The following PRKAA2 variants were observed in gnomAD, a reference collection of about 807,000 sequenced individuals.
The protein encoded by PRKAA2 is protein kinase AMP-activated catalytic subunit alpha 2.
A neutral mutation model predicts 56.3 loss-of-function variants in PRKAA2; 40 were observed. The ratio of observed to expected loss-of-function variants is 0.71; its 90% confidence interval spans 0.55 to 0.92. PRKAA2 has a LOEUF of 0.92. PRKAA2 is among the 40% of genes least tolerant of loss of function. The pLI is 0.00. For synonymous variants in PRKAA2, 214 were observed against 234.2 expected, an observed-to-expected ratio of 0.91 and a Z score of 0.79; for missense variants, 542 against 686.9, an observed-to-expected ratio of 0.79 and a Z score of 2.36.
intron 1 of PRKAA2, among the ~76,000 whole-genome samples, chr1:56,646,087 A>G (rs1482430118): frequency 2.6e-5 from 4 of 152,074 alleles, no homozygotes; most frequent in Non-Finnish European, 5.9e-5. Context: ...ATGTCCTCCA[A>G]TTCTGGTCTT....
chr1:56,672,844 A>G (rs970875444), intron 1 of PRKAA2, among the ~76,000 whole-genome samples: 1 of 152,188 alleles, frequency 6.6e-6, no homozygotes, highest in South Asian at 2.1e-4. Context: ...AAAAGAAGGC[A>G]ATAAATGTAA....
At chr1:56,701,630 C>A (rs2100434393) in intron 6 of PRKAA2, among the ~76,000 whole-genome samples, 1 of 152,218 alleles carries the variant, frequency 6.6e-6, no homozygotes, top group East Asian at 1.9e-4. Flanking sequence ...GGCGCGGTGG[C>A]TCACACCTGT....
chr1:56,698,472 A>G (rs370489959), intron 6 of PRKAA2, among the ~76,000 whole-genome samples: 157 of 152,338 alleles, frequency 1.0e-3, no homozygotes, highest in South Asian at 4.1e-3. Context: ...TTATTAATTC[A>G]TAGCAAAATG....
intron 1 of PRKAA2, among the ~76,000 whole-genome samples, chr1:56,664,958 T>G (rs1318650454): frequency 2.0e-5 from 3 of 151,796 alleles, no homozygotes; most frequent in African/African-American, 7.3e-5. Context: ...TTAGCTGCCT[T>G]TCAGAATTAC....
rs563080199 is a variant in PRKAA2 at position 56,665,305 on chromosome 1, C to T, written c.95-9076C>T. On this transcript the variant is annotated intron_variant, in intron 1 of 8. Transcript: ENST00000371244. ...GCCATGCTGGTCTCAAACTCCTGAC[C>T]TCAAGTGATCTGCCCACCTTGGCCT... Among the ~76,000 whole-genome samples the T allele has an allele frequency of 2.1e-4, 32 of 152,244 alleles. 1 individual carries two copies. The highest frequency in any genetic ancestry group is 2.0e-3 in the Admixed American group (30 of 15,284).
chr1:56,693,933 A>G (rs1644243478), intron 5 of PRKAA2, 81 bp downstream of exon 5: 1 of 955,548 alleles, frequency 1.0e-6, no homozygotes, highest in Admixed American at 2.4e-5. Flanking sequence ...TCTCTATGGA[A>G]GGTAAGATTT....
At position 56,692,232 on chromosome 1, in the gene PRKAA2, T is replaced by A. The variant is rs530071052; in HGVS notation, c.331-126T>A. The stretch of plus-strand genomic sequence containing the variant: ...TTTTTAGTAGAGATGGAGTTTCACC[T>A]TATTGGTCAGGCTGGTCTCAAACTC... On this transcript the variant is annotated intron_variant, in intron 3 of 8. Coordinates refer to ENST00000371244, the MANE Select transcript of PRKAA2 (RefSeq NM_006252.4). 1.5e-5 allele frequency: 16 copies of A among 1,091,114 alleles called. No individual in the cohort carries two copies. The Admixed American group carries it at 2.3e-4, about 15-fold the overall frequency. The allele number at this position is 1,091,114 out of a possible 1,614,324, so 67.6% of individuals were successfully genotyped here. A position where few individuals can be genotyped will look rare whatever the true frequency, so the allele number is the denominator to read the frequency against.
At chr1:56,646,346 G>A (rs1009541041) in intron 1 of PRKAA2, among the ~76,000 whole-genome samples, 1 of 152,184 alleles carries the variant, frequency 6.6e-6, no homozygotes, top group Non-Finnish European at 1.5e-5. Flanking sequence ...TTTCCTTGGT[G>A]TTTGGAGGAT....
chr1:56,706,402 G>A (rs545697019), intron 8 of PRKAA2, among the ~76,000 whole-genome samples, 184 bp downstream of exon 8: 23 of 152,298 alleles, frequency 1.5e-4, no homozygotes, highest in African/African-American at 5.3e-4. Context: ...CTCTTACCTG[G>A]CATCTTTCCA....
intron 5 of PRKAA2, 122 bp from the exon 6 acceptor site, chr1:56,695,813 C>T: frequency 1.2e-6 from 1 of 866,584 alleles, no homozygotes; most frequent in Non-Finnish European, 1.8e-6. Flanking sequence ...CAGCCATGGA[C>T]TTCATTAAAG....
In PRKAA2 at chr1:56,706,079, T is replaced by C; in HGVS notation, c.1294-13T>C. The C allele has an allele frequency of 1.9e-6, 3 of 1,587,650 alleles. No homozygotes were observed. The highest frequency in any genetic ancestry group is 2.6e-6 in the Non-Finnish European group (3 of 1,166,296). On this transcript the variant is annotated splice_polypyrimidine_tract_variant and intron_variant, in intron 7 of 8. Transcript: ENST00000371244. The stretch of plus-strand genomic sequence containing the variant: ...TTTTGTAGTTTATTATTTTTATTGA[T>C]TTTTCACTTTAGGTAGTGAATGCAT...
At chr1:56,684,932 G>A (rs867039133) in intron 2 of PRKAA2, among the ~76,000 whole-genome samples, 7 of 152,176 alleles carry the variant, frequency 4.6e-5, no homozygotes, top group Middle Eastern at 3.4e-3. Flanking sequence ...CAGTCAAGAG[G>A]AAGGAATTGA....
chr1:56,690,384 T>G (rs1644220821), intron 2 of PRKAA2, among the ~76,000 whole-genome samples: 1 of 152,170 alleles, frequency 6.6e-6, no homozygotes, highest in South Asian at 2.1e-4. Flanking sequence ...TTAGCCAGGA[T>G]GGTCTCAATC....
Position 56,704,036 on chromosome 1 carries a change from C to G in PRKAA2, c.854C>G (p.Ala285Gly). 3.1e-6 allele frequency: 5 copies of G among 1,613,798 alleles called. No homozygotes were observed. Among genetic ancestry groups the G allele is most frequent in the Non-Finnish European group, 4.2e-6 (5 of 1,179,720 alleles). Residue 285 changes from alanine to glycine, a missense_variant, in exon 7 of 9, where the codon GCT becomes GGT. By Grantham distance (60) the Ala-to-Gly change is moderately conservative (BLOSUM62 0). This residue lies in a region of PRKAA2 where 198 missense variants were observed against 234.0 expected (regional missense o/e 0.85). Coordinates refer to ENST00000371244, the MANE Select transcript of PRKAA2 (RefSeq NM_006252.4). ...TTTCCTGAAGACCCTTCCTATGATG[C>G]TAACGTCATTGATGATGAGGCTGTG... ...YLFPEDPSYD[A>G]NVIDDEAVKE...
chr1:56,671,205 T>C (rs931784739), intron 1 of PRKAA2, among the ~76,000 whole-genome samples: 2 of 152,228 alleles, frequency 1.3e-5, no homozygotes, highest in Admixed American at 1.3e-4. Context: ...TCAGGTGGAA[T>C]GTGGTTAGGT....
intron 1 of PRKAA2, among the ~76,000 whole-genome samples, chr1:56,649,960 T>C (rs1646673688): frequency 6.6e-6 from 1 of 152,122 alleles, no homozygotes; most frequent in Non-Finnish European, 1.5e-5. Flanking sequence ...CCAGCTGTGA[T>C]GGTGCGCGCC....
In PRKAA2 at chr1:56,712,651, AGACCAGTCT is replaced by A. The variant is rs1461084468; in HGVS notation, c.*4940_*4948del. The A allele has an allele frequency of 6.6e-6, 1 of 152,212 alleles. No individual in the cohort carries two copies. Among genetic ancestry groups the A allele is most frequent in the African/African-American group, 2.4e-5 (1 of 41,452 alleles). The allele number at this position is 152,212 out of a possible 1,614,324, so 9.4% of individuals were successfully genotyped here. On this transcript the variant is annotated 3_prime_UTR_variant, in exon 9 of 9. Transcript: ENST00000371244. ...TGGATCACCCGAGTTCAGGAGTTCG[AGACCAGTCT>A]GGCCAACATGGTGAAACCTCGTCTC...
Position 56,709,581 on chromosome 1 carries a change from C to T in PRKAA2, c.*1868C>T, listed in dbSNP as rs1291743714. ...TAGATATGGCATAGTTTTGGGTTCTCTAAATGGGTCCATACCTCTTTTGGG... is the reference window on the plus strand; with the variant it reads ...TAGATATGGCATAGTTTTGGGTTCTTTAAATGGGTCCATACCTCTTTTGGG... On this transcript the variant is annotated 3_prime_UTR_variant, in exon 9 of 9. Transcript: ENST00000371244. 1 of 152,054 alleles carries T rather than the reference C, an allele frequency of 6.6e-6. No homozygotes were observed. Among genetic ancestry groups the T allele is most frequent in the East Asian group, 1.9e-4 (1 of 5,192 alleles). 9.4% of individuals were successfully genotyped at this position (152,054 alleles called of 1,614,324 possible).
At chr1:56,683,666 A>G (rs1644171788) in intron 2 of PRKAA2, among the ~76,000 whole-genome samples, 1 of 152,128 alleles carries the variant, frequency 6.6e-6, no homozygotes, top group Non-Finnish European at 1.5e-5. Flanking sequence ...TATATGTCAT[A>G]TGTTAGACAG....
Sources: allele counts gnomAD v4.1 joint callset (sites outside exome capture counted in the v4.1 genomes callset), GRCh38; gene constraint gnomAD v4.1.1; regional missense constraint gnomAD v4.1.1; transcripts MANE v1.5; gene names NCBI Gene and HGNC (gene_info 2026-07-23, HGNC 2026-07-21).